Variants in FBXO4 observed in about 807,000 individuals in gnomAD.
FBXO4 encodes the protein F-box only protein 4.
FBXO4 carries 36 observed loss-of-function variants against 43.7 expected under a neutral mutation model. That is an observed-to-expected ratio of 0.82 (90% CI 0.63 to 1.09). The LOEUF is 1.09. FBXO4 is among the 50% of genes least tolerant of loss of function. The probability of loss-of-function intolerance (pLI) is 0.00; values close to 1 mark genes in which losing one functional copy is unlikely to be tolerated. For missense variants in FBXO4, 435 were observed against 474.1 expected (o/e 0.92, Z 0.77); for synonymous variants, 180 against 165.6 (o/e 1.09, Z -0.67).
the FBXO4 span, among the ~76,000 whole-genome samples, chr5:41,978,596 C>T: frequency 1.3e-4 from 20 of 151,974 alleles, no homozygotes; most frequent in East Asian, 7.7e-4. Context: ...TTGAATGACA[C>T]TTTGTTTAAC....
chr5:42,012,118 G>A, the FBXO4 span, among the ~76,000 whole-genome samples: 10 of 152,156 alleles, frequency 6.6e-5, no homozygotes, highest in Non-Finnish European at 1.2e-4. Flanking sequence ...ATATTAGTAG[G>A]AACTCTGATG....
chr5:42,033,829 A>G, the FBXO4 span, among the ~76,000 whole-genome samples: 1 of 151,898 alleles, frequency 6.6e-6, no homozygotes, highest in African/African-American at 2.4e-5. Context: ...ATACTGCTGC[A>G]TGTGTCTTTA....
the FBXO4 span, among the ~76,000 whole-genome samples, chr5:41,995,005 G>T: frequency 6.6e-6 from 1 of 152,156 alleles, no homozygotes; most frequent in African/African-American, 2.4e-5. Context: ...GCCTCCTGGA[G>T]AACTTTTCCC....
chr5:42,035,256 A>T, the FBXO4 span, among the ~76,000 whole-genome samples: 2,436 of 152,070 alleles, frequency 0.016, 122 homozygotes, highest in East Asian at 0.1. Flanking sequence ...TAGAAGGGGA[A>T]TTTGACTGCA....
At chr5:41,947,528 A>G in the FBXO4 span, among the ~76,000 whole-genome samples, 275 of 152,344 alleles carry the variant, frequency 1.8e-3, 2 homozygotes, top group African/African-American at 6.3e-3. Flanking sequence ...GTGGAAGTTA[A>G]TCAGGCTTAA....
At chr5:41,986,899 G>A in the FBXO4 span, among the ~76,000 whole-genome samples, 4 of 152,052 alleles carry the variant, frequency 2.6e-5, no homozygotes, top group African/African-American at 7.2e-5. Context: ...GTTGTGATTT[G>A]TTTTTATTTT....
chr5:41,925,490 C>T lies in FBXO4; in HGVS notation c.181C>T (p.Arg61Trp), dbSNP rs1046136011. The T allele has an allele frequency of 2.2e-5, 29 of 1,306,654 alleles. No individual in the cohort carries two copies. Among genetic ancestry groups the T allele is most frequent in the Non-Finnish European group, 2.7e-5 (28 of 1,019,494 alleles). The allele number at this position is 1,306,654 out of a possible 1,614,324, so 80.9% of individuals were successfully genotyped here. Residue 61 changes from arginine (R) to tryptophan (W), a missense_variant, in exon 1 of 7, where the codon CGG becomes TGG. Coordinates refer to ENST00000281623, the MANE Select transcript of FBXO4 (RefSeq NM_012176.3). The stretch of plus-strand genomic sequence containing the variant: ...GGATGAGGCGGCCAGCACCCTGACG[C>T]GGCTGCCGGTGAGCGTCGGCCGCAG... ...EVDEAASTLT[R>W]LPIDVQLYIL... is the part of the protein sequence containing the mutation.
rs563591124 is a variant in FBXO4 at position 41,929,804 on chromosome 5, G to A, written c.533G>A (p.Arg178Gln). The A allele has an allele frequency of 2.4e-5, 38 of 1,613,986 alleles. No homozygotes were observed. The highest frequency in any genetic ancestry group is 3.1e-5 in the Non-Finnish European group (37 of 1,180,018). ...LHSLIIQNEP[R>Q]FAMFGPGLEE... ...TCCCTGATCATTCAGAATGAACCAC[G>A]ATTTGCTATGTTTGGACCAGGTTTG... Residue 178 changes from arginine (R) to glutamine (Q), a missense_variant, in exon 3 of 7, where the codon CGA becomes CAA. Transcript: ENST00000281623.
At chr5:41,927,339 A>G (rs953603027) in intron 2 of FBXO4, 91 bp downstream of exon 2, 2 of 952,568 alleles carry the variant, frequency 2.1e-6, no homozygotes, top group Non-Finnish European at 3.1e-6. Context: ...CCTGCTACTG[A>G]TTTGTTGCGT....
the FBXO4 span, chr5:41,967,163 T>C: frequency 4.5e-6 from 2 of 441,078 alleles, no homozygotes; most frequent in Non-Finnish European, 8.9e-6. Context: ...CCAAGCTCTT[T>C]AGACTTCAGC....
At chr5:41,932,560 G>C in intron 3 of FBXO4, among the ~76,000 whole-genome samples, 1 of 152,186 alleles carries the variant, frequency 6.6e-6, no homozygotes, top group Non-Finnish European at 1.5e-5. Context: ...TCTCTAATGA[G>C]GTTAGTAGGG....
the FBXO4 span, among the ~76,000 whole-genome samples, chr5:41,987,857 A>T: frequency 3.3e-4 from 51 of 152,272 alleles, no homozygotes; most frequent in Non-Finnish European, 7.2e-4. Flanking sequence ...ATCTCTCTCC[A>T]TACATTACTT....
intron 5 of FBXO4, among the ~76,000 whole-genome samples, chr5:41,939,108 C>CA (rs1241211478): frequency 6.6e-6 from 1 of 152,162 alleles, no homozygotes; most frequent in East Asian, 1.9e-4. Context: ...CTGCCTACCA[C>CA]AAAATGCAGA....
At chr5:42,014,413 T>C in the FBXO4 span, among the ~76,000 whole-genome samples, 1 of 152,160 alleles carries the variant, frequency 6.6e-6, no homozygotes, top group South Asian at 2.1e-4. Context: ...AAAACTCCGC[T>C]CTTTCACTGT....
At chr5:42,013,795 T>C in the FBXO4 span, among the ~76,000 whole-genome samples, 1 of 152,204 alleles carries the variant, frequency 6.6e-6, no homozygotes. Context: ...GCCAGCTTTT[T>C]CTCAGAGGTG....
chr5:41,958,850 G>A, the FBXO4 span, among the ~76,000 whole-genome samples: 18 of 152,092 alleles, frequency 1.2e-4, no homozygotes, highest in Admixed American at 2.6e-4. Flanking sequence ...ATAATGCTGC[G>A]ACAAATAAGG....
At chr5:41,955,878 A>G in the FBXO4 span, among the ~76,000 whole-genome samples, 623 of 152,322 alleles carry the variant, frequency 4.1e-3, 6 homozygotes, top group Non-Finnish European at 6.7e-3. Context: ...AAGTTCTCAG[A>G]AGTGGTTGGC....
chr5:41,955,743 A>T, the FBXO4 span, among the ~76,000 whole-genome samples: 14 of 152,206 alleles, frequency 9.2e-5, no homozygotes, highest in Admixed American at 2.0e-4. Flanking sequence ...ACTGCTGATC[A>T]GTGCATGAGT....
chr5:42,030,381 T>C, the FBXO4 span, among the ~76,000 whole-genome samples: 1 of 151,950 alleles, frequency 6.6e-6, no homozygotes, highest in African/African-American at 2.4e-5. Context: ...TAATAAATGG[T>C]GCTGGGAAAA....
Sources: gnomAD v4.1 joint callset for allele counts (sites outside exome capture counted in the v4.1 genomes callset) on GRCh38, gnomAD v4.1.1 for gene constraint, MANE v1.5 for transcripts, NCBI Gene and HGNC (gene_info 2026-07-23, HGNC 2026-07-21) for gene names.